Variants in APBB2 observed in about 807,000 individuals in gnomAD.
APBB2 encodes amyloid beta precursor protein binding family B member 2.
A neutral mutation model predicts 82.5 loss-of-function variants in APBB2; 38 were observed. The observed-to-expected ratio is 0.46, with a 90% CI of 0.36 to 0.60. The LOEUF (loss-of-function observed/expected upper bound fraction) is 0.60. Ranked by LOEUF, APBB2 falls within the 20% of genes least tolerant of loss-of-function variation. APBB2 has a pLI of 0.00. For missense variants in APBB2, 772 were observed against 972.3 expected (o/e 0.79, Z 2.74); for synonymous variants, 341 against 368.2 (o/e 0.93, Z 0.85).
Position 40,856,631 on chromosome 4 carries a change from A to AGG in APBB2, c.1530-26056_1530-26055dup, listed in dbSNP as rs538454903. Among the ~76,000 whole-genome samples, 7 of 152,354 alleles carry AGG rather than the reference A, an allele frequency of 4.6e-5. No homozygotes were observed. The South Asian group carries it at 1.4e-3, about 32-fold the overall frequency. ...AGGAAGACAGAAATGTGGCCTCACC[A>AGG]GGGGGCACGTGAGGCGAAGGCAGTC... On this transcript the variant is annotated intron_variant, in intron 12 of 17. Coordinates refer to ENST00000508593, the MANE Select transcript of APBB2 (RefSeq NM_004307.2).
chr4:41,038,448 T>C (rs1309290729), intron 4 of APBB2, among the ~76,000 whole-genome samples: 1 of 152,188 alleles, frequency 6.6e-6, no homozygotes, highest in Non-Finnish European at 1.5e-5. Flanking sequence ...AAAACAGTCC[T>C]GCACAGTCCC....
chr4:41,135,843 CT>C (rs1349801640), intron 2 of APBB2, among the ~76,000 whole-genome samples: 1 of 152,166 alleles, frequency 6.6e-6, no homozygotes, highest in Non-Finnish European at 1.5e-5. Context: ...GCACTCTTTT[CT>C]TTTCTAGACA....
chr4:40,938,745 A>G (rs969144839), intron 7 of APBB2, among the ~76,000 whole-genome samples: 4 of 152,186 alleles, frequency 2.6e-5, no homozygotes, highest in African/African-American at 7.2e-5. Flanking sequence ...AAGCACTAAA[A>G]CATTCCACAG....
intron 4 of APBB2, among the ~76,000 whole-genome samples, chr4:41,064,750 A>G (rs191850858): frequency 1.7e-3 from 252 of 152,326 alleles, no homozygotes; most frequent in African/African-American, 5.7e-3. Flanking sequence ...CCCTGAGGGA[A>G]CTGAAAGAGT....
intron 10 of APBB2, among the ~76,000 whole-genome samples, chr4:40,930,594 G>T (rs533996907): frequency 1.3e-5 from 2 of 152,074 alleles, no homozygotes; most frequent in African/African-American, 4.8e-5. Flanking sequence ...ATTTGGAAGT[G>T]TCCCCATCCT....
intron 1 of APBB2, among the ~76,000 whole-genome samples, chr4:41,179,234 C>G: frequency 6.6e-6 from 1 of 152,286 alleles, no homozygotes; most frequent in Middle Eastern, 3.4e-3. Context: ...TCAAAGAGAA[C>G]AACAATGTAA....
At chr4:41,153,888 C>T (rs1245272199) in intron 1 of APBB2, among the ~76,000 whole-genome samples, 1 of 152,220 alleles carries the variant, frequency 6.6e-6, no homozygotes, top group South Asian at 2.1e-4. Context: ...ATAAATCTAT[C>T]ACTGCTTTAC....
At chr4:41,119,689 C>A (rs563328313) in intron 2 of APBB2, among the ~76,000 whole-genome samples, 1 of 152,176 alleles carries the variant, frequency 6.6e-6, no homozygotes, top group African/African-American at 2.4e-5. Flanking sequence ...GGGAGCTCAG[C>A]CTTTCACATA....
At chr4:40,890,775 C>T (rs530015388) in intron 11 of APBB2, 26 of 287,076 alleles carry the variant, frequency 9.1e-5, no homozygotes, top group South Asian at 3.6e-4. Flanking sequence ...TGAATCTTTA[C>T]GACAAAAGGC....
chr4:41,146,823 T>G (rs1295760752), intron 1 of APBB2, among the ~76,000 whole-genome samples: 2 of 152,200 alleles, frequency 1.3e-5, no homozygotes, highest in African/African-American at 4.8e-5. Context: ...CTTTCCCGAC[T>G]GTGCATCAGG....
At chr4:41,213,808 G>A (rs575750793) in intron 1 of APBB2, among the ~76,000 whole-genome samples, 10 of 152,286 alleles carry the variant, frequency 6.6e-5, no homozygotes, top group Non-Finnish European at 1.3e-4. Context: ...GGGGGAAAAG[G>A]AACTTTTCCC....
intron 6 of APBB2, among the ~76,000 whole-genome samples, chr4:41,006,413 GC>G (rs956156185): frequency 6.6e-6 from 1 of 152,112 alleles, no homozygotes; most frequent in Non-Finnish European, 1.5e-5. Flanking sequence ...AATTAATGCA[GC>G]AGGGCAAACC....
Position 40,945,028 on chromosome 4 carries a change from G to C in APBB2, c.881C>G (p.Pro294Arg), listed in dbSNP as rs369022360. The C allele has an allele frequency of 1.9e-6, 3 of 1,587,906 alleles. No homozygotes were observed. The highest frequency in any genetic ancestry group is 2.6e-6 in the Non-Finnish European group (3 of 1,165,014). ...GTCACTGACTCTTTTCCAGCCAGGC[G>C]GCAAATCTGGATCAGTCTGAAATGA... The part of the protein sequence containing the change: ...DHSFQTDPDL[P>R]PGWKRVSDIA... Residue 294 changes from proline (P) to arginine (R), a missense_variant, in exon 7 of 18, where the codon CCG becomes CGG. Transcript: ENST00000508593.
chr4:40,938,502 A>G (rs1384095525), intron 7 of APBB2, among the ~76,000 whole-genome samples: 6 of 152,224 alleles, frequency 3.9e-5, no homozygotes, highest in Non-Finnish European at 1.5e-5. Context: ...GCAATTCCAC[A>G]TAGCAAACAA....
chr4:40,932,982 G>T (rs1466977428), intron 10 of APBB2, among the ~76,000 whole-genome samples: 1 of 152,170 alleles, frequency 6.6e-6, no homozygotes. Flanking sequence ...TCCTGCCTCA[G>T]CCTGCTGAGT....
intron 1 of APBB2, among the ~76,000 whole-genome samples, chr4:41,144,673 C>T (rs2082644514): frequency 6.6e-6 from 1 of 152,238 alleles, no homozygotes; most frequent in Admixed American, 6.5e-5. Flanking sequence ...TGTCCAGTAA[C>T]ACTTCCAGTG....
chr4:41,193,640 G>A lies in APBB2; in HGVS notation c.-417+20765C>T. On this transcript the variant is annotated intron_variant, in intron 1 of 17. Coordinates refer to ENST00000508593, the MANE Select transcript of APBB2 (RefSeq NM_004307.2). ...TGCTGTTTTCTGCATTATTACTTCT[G>A]CAGGTCTCCCAGGACCCAGTTGGAT... 4 of 870,530 alleles carry A rather than the reference G, an allele frequency of 4.6e-6. No homozygotes were observed. In the East Asian group the frequency reaches 3.6e-4, roughly 79 times the overall value. The allele number at this position is 870,530 out of a possible 1,614,324, so 53.9% of individuals were successfully genotyped here. A position where few individuals can be genotyped will look rare whatever the true frequency, so the allele number is the denominator to read the frequency against.
intron 1 of APBB2, among the ~76,000 whole-genome samples, chr4:41,157,126 GGATA>G (rs138389696): frequency 0.05 from 7,614 of 151,864 alleles, 274 homozygotes; most frequent in Non-Finnish European, 0.072. Context: ...AAGGGATTAG[GGATA>G]AAGTGTTTTA....
intron 10 of APBB2, among the ~76,000 whole-genome samples, chr4:40,923,392 G>A (rs1308711559): frequency 2.0e-5 from 3 of 152,234 alleles, no homozygotes; most frequent in Admixed American, 6.5e-5. Context: ...GTTCTGAGAC[G>A]TGCTGGCTCT....
Sources: allele counts gnomAD v4.1 joint callset (sites outside exome capture counted in the v4.1 genomes callset), GRCh38; gene constraint gnomAD v4.1.1; transcripts MANE v1.5; gene names NCBI Gene and HGNC (gene_info 2026-07-23, HGNC 2026-07-21).